The following PSMG2 variants were observed in gnomAD, a reference collection of about 807,000 sequenced individuals.
PSMG2 encodes the protein proteasome assembly chaperone 2.
Under a neutral mutation model 31.5 loss-of-function variants are expected in PSMG2, and 21 were observed. The observed-to-expected ratio is 0.67, with a 90% confidence interval of 0.47 to 0.96. PSMG2 has a LOEUF of 0.96. PSMG2 is among the 40% of genes least tolerant of loss of function. The pLI, the probability that PSMG2 is intolerant of heterozygous loss-of-function variation, is 0.00. For synonymous variants in PSMG2, 120 were observed against 110.4 expected, an observed-to-expected ratio of 1.09 and a Z score of -0.54; for missense variants, 318 against 321.2, an observed-to-expected ratio of 0.99 and a Z score of 0.08.
At chr18:12,711,230 C>T (rs920414565) in intron 2 of PSMG2, among the ~76,000 whole-genome samples, 8 of 151,958 alleles carry the variant, frequency 5.3e-5, no homozygotes, top group Non-Finnish European at 1.2e-4. Flanking sequence ...CGATATCGCA[C>T]CACTGCACTT....
In PSMG2 at chr18:12,703,133, C is replaced by T. The variant is rs778875860; in HGVS notation, c.26C>T (p.Ala9Val). The T allele has an allele frequency of 6.2e-7, 1 of 1,612,244 alleles. No homozygotes were observed. Residue 9 changes from alanine to valine, a missense_variant, in exon 1 of 7, where the codon GCC becomes GTC. By Grantham distance (64) the Ala-to-Val change is moderately conservative. Coordinates refer to ENST00000317615, the MANE Select transcript of PSMG2 (RefSeq NM_020232.5). MFVPCGES[A>V]PDLAGFTLLM... ...ATGTTCGTTCCCTGCGGGGAGTCGG[C>T]CCCCGACCTTGCCGGCTTCACCCTC...
At chr18:12,697,640 A>G (rs991090702) in intron 1 of PSMG2, among the ~76,000 whole-genome samples, 3 of 152,242 alleles carry the variant, frequency 2.0e-5, no homozygotes, top group Admixed American at 2.0e-4. Context: ...AACTTACAGC[A>G]TATCAGTGCT....
At chr18:12,682,606 A>T (rs1200505437) in intron 1 of PSMG2, among the ~76,000 whole-genome samples, 1 of 152,054 alleles carries the variant, frequency 6.6e-6, no homozygotes, top group Non-Finnish European at 1.5e-5. Context: ...CAAAAATGTA[A>T]TAACCAATCT....
intron 1 of PSMG2, among the ~76,000 whole-genome samples, chr18:12,669,839 TAA>T (rs545367261): frequency 5.3e-5 from 8 of 150,576 alleles, no homozygotes; most frequent in African/African-American, 2.0e-4. Flanking sequence ...TGTCTCTACT[TAA>T]AAAAAATTAG....
At chr18:12,724,374 C>T in intron 5 of PSMG2, 125 bp from the exon 6 acceptor site, 1 of 963,934 alleles carries the variant, frequency 1.0e-6, no homozygotes. Flanking sequence ...GATAAGTGAT[C>T]TTATGGTGTG....
chr18:12,687,257 G>C (rs2039570561), intron 1 of PSMG2, among the ~76,000 whole-genome samples: 1 of 152,030 alleles, frequency 6.6e-6, no homozygotes, highest in Admixed American at 6.6e-5. Context: ...CCATCTGTTT[G>C]AATTATCAGA....
At chr18:12,665,490 ACT>A (rs2038784797) in intron 1 of PSMG2, among the ~76,000 whole-genome samples, 1 of 152,160 alleles carries the variant, frequency 6.6e-6, no homozygotes, top group African/African-American at 2.4e-5. Context: ...CTGATGGAAC[ACT>A]GTGTCTTTCC....
At chr18:12,690,478 C>A (rs915885501) in intron 1 of PSMG2, among the ~76,000 whole-genome samples, 3 of 149,818 alleles carry the variant, frequency 2.0e-5, no homozygotes, top group Non-Finnish European at 3.0e-5. Context: ...TTTTTTGAGA[C>A]GGAGTCTTGC....
At chr18:12,661,405 T>C in intron 1 of PSMG2, 1 of 963,540 alleles carries the variant, frequency 1.0e-6, no homozygotes, top group Non-Finnish European at 1.2e-6. Flanking sequence ...CAGCCATTGA[T>C]ATCTTCTCAG....
At chr18:12,675,732 G>A (rs939096717) in intron 1 of PSMG2, among the ~76,000 whole-genome samples, 63 of 151,496 alleles carry the variant, frequency 4.2e-4, no homozygotes, top group African/African-American at 1.3e-3. Context: ...GCAGTGGCGC[G>A]ATCTCGGCTC....
chr18:12,673,994 CAG>C (rs1230260362), intron 1 of PSMG2, among the ~76,000 whole-genome samples: 1 of 152,146 alleles, frequency 6.6e-6, no homozygotes, highest in African/African-American at 2.4e-5. Context: ...CAAACAAAAT[CAG>C]AGATACCTGA....
At chr18:12,724,730 A>G in intron 6 of PSMG2, 111 bp downstream of exon 6, 6 of 1,095,856 alleles carry the variant, frequency 5.5e-6, no homozygotes, top group Non-Finnish European at 7.2e-6. Flanking sequence ...TTAAATATAG[A>G]CATATCTTTA....
At chr18:12,668,326 A>G (rs1247400482) in intron 1 of PSMG2, among the ~76,000 whole-genome samples, 3 of 151,828 alleles carry the variant, frequency 2.0e-5, no homozygotes, top group Non-Finnish European at 4.4e-5. Flanking sequence ...GTGCCGTCGC[A>G]GATGCCAATA....
intron 1 of PSMG2, chr18:12,691,335 A>C (rs748522948): frequency 6.7e-7 from 1 of 1,493,152 alleles, no homozygotes; most frequent in Non-Finnish European, 9.0e-7. Flanking sequence ...CAGGCATAAA[A>C]TTATTCTAAT....
intron 1 of PSMG2, chr18:12,661,448 C>T: frequency 3.3e-6 from 2 of 605,646 alleles, no homozygotes; most frequent in Non-Finnish European, 4.1e-6. Context: ...AATAACAGCA[C>T]TGTCCCATTT....
At chr18:12,704,378 G>A (rs562890817) in intron 1 of PSMG2, among the ~76,000 whole-genome samples, 3 of 152,220 alleles carry the variant, frequency 2.0e-5, no homozygotes, top group South Asian at 2.1e-4. Context: ...CTTGAGCTCA[G>A]GAGTTCAAGA....
Position 12,709,255 on chromosome 18 carries a change from C to T in PSMG2, c.229+2534C>T, listed in dbSNP as rs989397994. ...AGAGACGGGGTTGCACCATGTTAGC[C>T]AGGATGGTCTCAATCTCCTGACCTC... On this transcript the variant is annotated intron_variant, in intron 2 of 6. Coordinates refer to ENST00000317615, the MANE Select transcript of PSMG2 (RefSeq NM_020232.5). 2.0e-5 allele frequency among the ~76,000 whole-genome samples: 3 copies of T among 151,426 alleles called. No homozygotes were observed. In the East Asian group the frequency reaches 5.9e-4, roughly 30 times the overall value.
At chr18:12,697,194 G>T (rs1467066139) in intron 1 of PSMG2, 2 of 1,434,078 alleles carry the variant, frequency 1.4e-6, no homozygotes, top group Non-Finnish European at 1.9e-6. Context: ...GCTATAAAAA[G>T]GTTAACAATG....
chr18:12,663,243 T>G (rs2038735204), intron 1 of PSMG2, among the ~76,000 whole-genome samples: 1 of 152,224 alleles, frequency 6.6e-6, no homozygotes, highest in Admixed American at 6.5e-5. Context: ...GCTTACTCCT[T>G]AATTCCAGTG....
Sources: gnomAD v4.1 joint callset for allele counts (sites outside exome capture counted in the v4.1 genomes callset) on GRCh38, gnomAD v4.1.1 for gene constraint, MANE v1.5 for transcripts, NCBI Gene and HGNC (gene_info 2026-07-23, HGNC 2026-07-21) for gene names.